The following TBC1D19 variants were observed in gnomAD, a reference collection of about 807,000 sequenced individuals.
TBC1D19 encodes the protein TBC1 domain family, member 19.
A neutral mutation model predicts 89.0 loss-of-function variants in TBC1D19; 60 were observed. The ratio of observed to expected loss-of-function variants is 0.67; its 90% confidence interval spans 0.55 to 0.84. The LOEUF is 0.84. Ranked by LOEUF, TBC1D19 falls within the 40% of genes least tolerant of loss-of-function variation. The pLI is 0.00. For synonymous variants in TBC1D19, 189 were observed against 199.7 expected (o/e 0.95, Z 0.45); for missense variants, 500 against 610.8 (o/e 0.82, Z 1.91).
chr4:26,838,709 A>G, the TBC1D19 span, among the ~76,000 whole-genome samples: 1 of 152,346 alleles, frequency 6.6e-6, no homozygotes, highest in Middle Eastern at 3.4e-3. Flanking sequence ...AAATCTGATT[A>G]CTTCGCAAGG....
At chr4:26,738,426 A>G (rs892752739) in intron 16 of TBC1D19, among the ~76,000 whole-genome samples, 2 of 151,824 alleles carry the variant, frequency 1.3e-5, no homozygotes, top group African/African-American at 4.8e-5. Flanking sequence ...TAGATTTATA[A>G]TAATACCATA....
At chr4:26,629,048 C>T (rs1323328711) in intron 4 of TBC1D19, among the ~76,000 whole-genome samples, 1 of 151,984 alleles carries the variant, frequency 6.6e-6, no homozygotes. Flanking sequence ...CTTCTCACAC[C>T]GTTCTTCCCC....
the TBC1D19 span, among the ~76,000 whole-genome samples, chr4:26,813,694 T>C: frequency 4.6e-5 from 7 of 152,216 alleles, no homozygotes; most frequent in East Asian, 1.3e-3. Flanking sequence ...TTTTTCAGGG[T>C]TTTCCAGTTT....
intron 13 of TBC1D19, among the ~76,000 whole-genome samples, chr4:26,712,395 T>C (rs899609817): frequency 2.0e-5 from 3 of 152,002 alleles, no homozygotes; most frequent in Non-Finnish European, 2.9e-5. Flanking sequence ...ATTCCTTGGC[T>C]TGTGTCCCCT....
the TBC1D19 span, among the ~76,000 whole-genome samples, chr4:26,765,426 G>A: frequency 6.6e-6 from 1 of 151,280 alleles, no homozygotes; most frequent in Non-Finnish European, 1.5e-5. Flanking sequence ...ACTCATATTG[G>A]GGGCTGGGAA....
chr4:26,829,013 T>C, the TBC1D19 span, among the ~76,000 whole-genome samples: 1 of 152,232 alleles, frequency 6.6e-6, no homozygotes, highest in Non-Finnish European at 1.5e-5. Context: ...ATCAAACCAA[T>C]TATCTTTCTT....
chr4:26,702,664 T>G (rs1715427456), intron 13 of TBC1D19, among the ~76,000 whole-genome samples: 1 of 152,202 alleles, frequency 6.6e-6, no homozygotes, highest in Non-Finnish European at 1.5e-5. Context: ...TCTCCTGCTT[T>G]TAGTACTTTG....
chr4:26,796,152 C>T, the TBC1D19 span, among the ~76,000 whole-genome samples: 1 of 152,172 alleles, frequency 6.6e-6, no homozygotes, highest in Non-Finnish European at 1.5e-5. Context: ...GACATGGTTT[C>T]TAACATTTTG....
At chr4:26,747,999 A>G (rs1245526928) in intron 18 of TBC1D19, among the ~76,000 whole-genome samples, 1 of 152,220 alleles carries the variant, frequency 6.6e-6, no homozygotes, top group East Asian at 1.9e-4. Context: ...AATTTATTAA[A>G]TTGAGAAAAT....
At chr4:26,645,043 T>C (rs1056281213) in intron 7 of TBC1D19, among the ~76,000 whole-genome samples, 1 of 151,890 alleles carries the variant, frequency 6.6e-6, no homozygotes, top group African/African-American at 2.4e-5. Flanking sequence ...TGCTCATGGA[T>C]AGGAAGAATC....
At chr4:26,822,884 G>A in the TBC1D19 span, among the ~76,000 whole-genome samples, 2 of 152,130 alleles carry the variant, frequency 1.3e-5, no homozygotes, top group Non-Finnish European at 2.9e-5. Flanking sequence ...CTCCAGCAGG[G>A]ATCCAGTCCC....
At chr4:26,609,084 G>A (rs936703518) in intron 1 of TBC1D19, among the ~76,000 whole-genome samples, 1 of 145,612 alleles carries the variant, frequency 6.9e-6, no homozygotes, top group Non-Finnish European at 1.5e-5. Flanking sequence ...GGGAGGGGTA[G>A]CATTAGGAGA....
chr4:26,677,564 G>A (rs574380769), intron 11 of TBC1D19, among the ~76,000 whole-genome samples: 9 of 152,056 alleles, frequency 5.9e-5, no homozygotes, highest in East Asian at 3.9e-4. Flanking sequence ...CTCATGATCC[G>A]CCTGCCTCGG....
At chr4:26,740,898 A>G (rs1718329194) in intron 17 of TBC1D19, 1 of 985,398 alleles carries the variant, frequency 1.0e-6, no homozygotes, top group Non-Finnish European at 1.2e-6. Flanking sequence ...ATACATCGCT[A>G]GTGAAAGTTG....
rs376198377 is a variant in TBC1D19, at chr4:26,718,890, C to T, written c.1039+873C>T. Among the ~76,000 whole-genome samples the T allele has an allele frequency of 3.9e-5, 6 of 152,032 alleles. No homozygotes were observed. The East Asian group carries it at 1.2e-3, about 29-fold the overall frequency. ...AAGGCCTTTGACCAGTTGATACTGT[C>T]CTAACCTAACTAACTTTGCTTCCCT... On this transcript the variant is annotated intron_variant, in intron 14 of 20. Transcript: ENST00000264866.
the TBC1D19 span, among the ~76,000 whole-genome samples, chr4:26,779,412 C>T: frequency 1.3e-5 from 2 of 152,222 alleles, no homozygotes; most frequent in African/African-American, 4.8e-5. Flanking sequence ...GTGTGCCAGA[C>T]AGTTGGGATC....
chr4:26,845,646 C>A, the TBC1D19 span, among the ~76,000 whole-genome samples: 1 of 152,128 alleles, frequency 6.6e-6, no homozygotes, highest in African/African-American at 2.4e-5. Context: ...TAAAGACATA[C>A]CTGAGACTGG....
chr4:26,669,989 G>A (rs1009182166), intron 9 of TBC1D19, among the ~76,000 whole-genome samples: 2 of 151,600 alleles, frequency 1.3e-5, no homozygotes, highest in African/African-American at 4.8e-5. Flanking sequence ...CAGTTATGGG[G>A]TTCTATGTGA....
the TBC1D19 span, among the ~76,000 whole-genome samples, chr4:26,763,441 T>C: frequency 3.3e-5 from 5 of 152,228 alleles, no homozygotes; most frequent in Non-Finnish European, 5.9e-5. Context: ...AACATTCTAT[T>C]GATCCCAGGT....
Sources: allele counts gnomAD v4.1 joint callset (sites outside exome capture counted in the v4.1 genomes callset), GRCh38; gene constraint gnomAD v4.1.1; transcripts MANE v1.5; gene names NCBI Gene and HGNC (gene_info 2026-07-23, HGNC 2026-07-21).